The following PMS2 variants were observed in gnomAD, a reference collection of about 807,000 sequenced individuals.
PMS2 encodes mismatch repair endonuclease PMS2.
Under a neutral mutation model 90.0 loss-of-function variants are expected in PMS2, and 69 were observed. That is an observed-to-expected ratio of 0.77 (90% CI 0.63 to 0.94). The LOEUF is 0.94. Among genes scored for constraint, PMS2 ranks in the 40% least tolerant of loss-of-function variants. PMS2 has a pLI of 0.00. For synonymous variants in PMS2, 332 were observed against 375.1 expected (o/e 0.89, Z 1.33); for missense variants, 966 against 1,040.2 (o/e 0.93, Z 0.98).
At position 5,987,090 on chromosome 7, in the gene PMS2, C is replaced by T. The variant is rs751153838; in HGVS notation, c.1675G>A (p.Gly559Arg). ...VDCHSNQEDT[G>R]CKFRVLPQPT... ...TGAGGCAAAACTCGAAATTTACATC[C>T]GGTATCTTCCTGGTTTGAATGGCAG... is the stretch of plus-strand genomic sequence containing the variant. The change falls in exon 11 of 15, where the codon GGA becomes AGA. Residue 559 changes from glycine (G) to arginine (R), a missense_variant. Coordinates refer to ENST00000265849, the MANE Select transcript of PMS2 (RefSeq NM_000535.7). 8.7e-6 allele frequency: 14 copies of T among 1,613,980 alleles called. No homozygotes were observed. In the African/African-American group the frequency reaches 9.3e-5, roughly 11 times the overall value.
intron 5 of PMS2, 47 bp downstream of exon 5, chr7:6,002,406 A>G: frequency 8.4e-7 from 1 of 1,191,102 alleles, no homozygotes; most frequent in Non-Finnish European, 1.2e-6. Flanking sequence ...TCTTTTGCTC[A>G]TGTGCATTAA....
In PMS2 at chr7:5,991,268, G is replaced by C. The variant is rs1583341455; in HGVS notation, c.988+705C>G. Among the ~76,000 whole-genome samples the C allele has an allele frequency of 1.3e-5, 2 of 151,908 alleles. 1 individual carries two copies. Among genetic ancestry groups the C allele is most frequent in the South Asian group, 4.1e-4 (2 of 4,820 alleles). ...ATTATTTTCTCATCCCAAAGAATATGGGAGTAGGGGAGAGAGAGAGAAAGA... is the reference window on the plus strand; with the variant it reads ...ATTATTTTCTCATCCCAAAGAATATCGGAGTAGGGGAGAGAGAGAGAAAGA... On this transcript the variant is annotated intron_variant, in intron 9 of 14. Transcript: ENST00000265849.
intron 2 of PMS2, chr7:6,004,339 C>T (rs1785472836): frequency 3.3e-6 from 1 of 306,934 alleles, no homozygotes; most frequent in Non-Finnish European, 6.0e-6. Flanking sequence ...AAATCTGTAA[C>T]TGGTGGTGAT....
intron 1 of PMS2, 78 bp from the exon 2 acceptor site, chr7:6,006,109 C>G (rs2128848322): frequency 6.8e-7 from 1 of 1,473,126 alleles, no homozygotes; most frequent in Non-Finnish European, 9.5e-7. Context: ...TGGGAAATGA[C>G]TCAACACTGT....
intron 4 of PMS2, 151 bp downstream of exon 4, chr7:6,003,539 C>G (rs1361571784): frequency 1.6e-6 from 1 of 636,656 alleles, no homozygotes; most frequent in Non-Finnish European, 2.8e-6. Context: ...TTCAGAAGTA[C>G]TATGACTTAG....
rs1781460877 is a variant in PMS2, at chr7:5,973,219, A to C, written c.*180T>G. 2 of 539,938 alleles carry C rather than the reference A, an allele frequency of 3.7e-6. No individual in the cohort carries two copies. The highest frequency in any genetic ancestry group is 5.1e-4 in the Middle Eastern group (1 of 1,950). The allele number at this position is 539,938 out of a possible 1,614,324, so 33.4% of individuals were successfully genotyped here. ...AGCGCATGCAAACATAGAGAAAAAA[A>C]ATTTGCAAGCAATGCTCCATCTGGT... is the stretch of plus-strand genomic sequence containing the variant. On this transcript the variant is annotated 3_prime_UTR_variant, in exon 15 of 15. Coordinates refer to ENST00000265849, the MANE Select transcript of PMS2 (RefSeq NM_000535.7).
chr7:5,977,424 G>A (rs543634947), intron 14 of PMS2, among the ~76,000 whole-genome samples, 164 bp downstream of exon 14: 6 of 146,742 alleles, frequency 4.1e-5, no homozygotes, highest in African/African-American at 7.3e-5. Flanking sequence ...GAACGCAGAC[G>A]ACACAGATGC....
intron 14 of PMS2, among the ~76,000 whole-genome samples, chr7:5,977,372 G>T (rs539489886): frequency 6.8e-6 from 1 of 147,114 alleles, no homozygotes; most frequent in East Asian, 2.1e-4. Flanking sequence ...CTGCTTAACA[G>T]AGGTAACAAA....
intron 8 of PMS2, among the ~76,000 whole-genome samples, chr7:5,992,415 G>A (rs1406390093): frequency 6.6e-6 from 1 of 151,818 alleles, no homozygotes; most frequent in Non-Finnish European, 1.5e-5. Context: ...TGCCTCCGGG[G>A]CTCAAGTGAT....
Position 5,986,770 on chromosome 7 carries a change from T to C in PMS2, c.1995A>G (p.Arg665=), listed in dbSNP as rs781780543. ...GENQAAEDEL[R]KEISKTMFAE... Reference sequence around the variant, plus strand: ...AATTAAAACTTTACCTTATCTCTTTTCTTAGTTCATCTTCGGCTGCTTGAT... The same window carrying C: ...AATTAAAACTTTACCTTATCTCTTTCCTTAGTTCATCTTCGGCTGCTTGAT... Residue 665 remains arginine (R), a synonymous_variant, in exon 11 of 15, where the codon AGA becomes AGG. Transcript: ENST00000265849. The C allele has an allele frequency of 9.4e-6, 15 of 1,597,936 alleles. No individual in the cohort carries two copies. Among genetic ancestry groups the C allele is most frequent in the Middle Eastern group, 3.9e-4 (2 of 5,184 alleles).
intron 10 of PMS2, among the ~76,000 whole-genome samples, chr7:5,988,963 C>G (rs1293783473): frequency 6.6e-6 from 1 of 152,108 alleles, no homozygotes; most frequent in Non-Finnish European, 1.5e-5. Flanking sequence ...TCACGCCATT[C>G]TCCTGAGTCA....
At chr7:5,997,216 G>GA (rs879309592) in intron 7 of PMS2, 110 bp downstream of exon 7, 97,228 of 510,554 alleles carry the variant, frequency 0.19, no homozygotes, top group South Asian at 0.24. Context: ...TCCGTCTCAA[G>GA]AAAAAAAAAA....
At chr7:5,995,221 G>C (rs912437910) in intron 8 of PMS2, among the ~76,000 whole-genome samples, 2 of 152,034 alleles carry the variant, frequency 1.3e-5, no homozygotes, top group African/African-American at 4.8e-5. Context: ...TATTTTAGTA[G>C]AGACGGGGTT....
chr7:5,983,307 C>T lies in PMS2; in HGVS notation c.2007-316G>A, dbSNP rs1420542777. Among the ~76,000 whole-genome samples the T allele has an allele frequency of 2.0e-5, 3 of 151,496 alleles. 1 individual carries two copies. The highest frequency in any genetic ancestry group is 7.3e-5 in the African/African-American group (3 of 41,090). ...TGTATTTTTAGTAGAGACAGAGTTC[C>T]ACCATGTTGGTCAGGCTGGTCTCGA... On this transcript the variant is annotated intron_variant, in intron 11 of 14. Transcript: ENST00000265849.
intron 13 of PMS2, among the ~76,000 whole-genome samples, chr7:5,978,339 C>T (rs1435434890): frequency 1.4e-5 from 2 of 146,888 alleles, no homozygotes; most frequent in Non-Finnish European, 3.0e-5. Context: ...GACGTGATCT[C>T]GGCTCACTGC....
intron 4 of PMS2, 85 bp from the exon 5 acceptor site, chr7:6,002,721 T>A (rs1785245408): frequency 9.2e-7 from 1 of 1,091,940 alleles, no homozygotes; most frequent in Middle Eastern, 2.9e-4. Context: ...CTTGCTTTTC[T>A]CTCAAAATTT....
chr7:5,993,109 G>A (rs923653890), intron 8 of PMS2, among the ~76,000 whole-genome samples: 5 of 152,096 alleles, frequency 3.3e-5, no homozygotes, highest in African/African-American at 9.7e-5. Context: ...GGTGGCTCAC[G>A]CCTGTAATCC....
intron 12 of PMS2, among the ~76,000 whole-genome samples, chr7:5,981,144 A>G (rs367829709): frequency 2.0e-5 from 3 of 151,944 alleles, no homozygotes; most frequent in African/African-American, 7.3e-5. Flanking sequence ...TTTGTGAAGT[A>G]GTCAGGGTAA....
At chr7:5,975,978 C>T (rs1173988474) in intron 14 of PMS2, among the ~76,000 whole-genome samples, 26 of 140,798 alleles carry the variant, frequency 1.8e-4, no homozygotes, top group African/African-American at 5.3e-4. Context: ...CGGTGGCTCA[C>T]GCCTGTAATC....
Sources: allele counts gnomAD v4.1 joint callset (sites outside exome capture counted in the v4.1 genomes callset), GRCh38; gene constraint gnomAD v4.1.1; transcripts MANE v1.5; gene names NCBI Gene and HGNC (gene_info 2026-07-23, HGNC 2026-07-21).